Variants in SPTLC2 observed in about 807,000 individuals in gnomAD.
SPTLC2 encodes serine palmitoyltransferase 2.
In SPTLC2, 21 loss-of-function variants were observed where a neutral mutation model predicts 62.0. The observed-to-expected ratio is 0.34, with a 90% confidence interval of 0.24 to 0.49. The LOEUF is 0.49. Among genes scored for constraint, SPTLC2 ranks in the 20% least tolerant of loss-of-function variants. SPTLC2 has a pLI of 0.99. For missense variants in SPTLC2, 511 were observed against 713.0 expected, an observed-to-expected ratio of 0.72 and a Z score of 3.23; for synonymous variants, 261 against 261.8, an observed-to-expected ratio of 1.00 and a Z score of 0.03.
At chr14:77,580,544 T>G (rs2079743455) in intron 2 of SPTLC2, among the ~76,000 whole-genome samples, 1 of 93,498 alleles carries the variant, frequency 1.1e-5, no homozygotes, top group African/African-American at 3.8e-5. Flanking sequence ...GAAAGGAATT[T>G]TTTAAAAAAG....
At chr14:77,578,889 C>T (rs910771647) in intron 3 of SPTLC2, 66 bp downstream of exon 3, 1 of 1,539,744 alleles carries the variant, frequency 6.5e-7, no homozygotes, top group African/African-American at 1.4e-5. Context: ...TTTATAATAA[C>T]ATATTTTCTC....
At chr14:77,587,160 G>A (rs922791560) in intron 2 of SPTLC2, among the ~76,000 whole-genome samples, 4 of 151,970 alleles carry the variant, frequency 2.6e-5, no homozygotes, top group Non-Finnish European at 4.4e-5. Context: ...CCCAGGAGGC[G>A]GAGCTTGCAG....
At chr14:77,593,043 C>T (rs1226907535) in intron 2 of SPTLC2, among the ~76,000 whole-genome samples, 3 of 150,968 alleles carry the variant, frequency 2.0e-5, no homozygotes, top group Non-Finnish European at 4.4e-5. Context: ...GCGGAGATTG[C>T]AGTGAGCCGA....
At chr14:77,546,063 AAAAT>A (rs1293408622) in intron 9 of SPTLC2, among the ~76,000 whole-genome samples, 1 of 152,232 alleles carries the variant, frequency 6.6e-6, no homozygotes, top group African/African-American at 2.4e-5. Context: ...TAAACTTTGG[AAAAT>A]TAGCAGAAAA....
In SPTLC2 at chr14:77,584,861, C is replaced by T. The variant is rs182496388; in HGVS notation, c.328-5752G>A. ...TGTATTTCCTGGACACCCTTGTGAT[C>T]GGGTTGCGGATGTGATGTAGGGTCT... is the stretch of plus-strand genomic sequence containing the variant. On this transcript the variant is annotated intron_variant, in intron 2 of 11. Transcript: ENST00000216484. Among the ~76,000 whole-genome samples, 244 of 152,276 alleles carry T rather than the reference C, an allele frequency of 1.6e-3. 1 individual carries two copies. The highest frequency in any genetic ancestry group is 3.5e-3 in the Admixed American group (53 of 15,294).
rs1322610216 is a variant in SPTLC2, at chr14:77,606,286, CGT to C, written c.133-8908_133-8907del. On this transcript the variant is annotated intron_variant, in intron 1 of 11. Coordinates refer to ENST00000216484, the MANE Select transcript of SPTLC2 (RefSeq NM_004863.4). ...CAAAGGTTGCAGTGAGCCAAAACCG[CGT>C]GCCACTGCACTCCAGCCTGGGCAAC... is the stretch of plus-strand genomic sequence containing the variant. Among the ~76,000 whole-genome samples the C allele has an allele frequency of 2.6e-5, 4 of 152,314 alleles. 1 individual carries two copies. Among genetic ancestry groups the C allele is most frequent in the African/African-American group, 9.6e-5 (4 of 41,568 alleles).
chr14:77,556,949 A>G (rs1206832703), intron 7 of SPTLC2, 92 bp downstream of exon 7: 4 of 997,612 alleles, frequency 4.0e-6, no homozygotes, highest in Non-Finnish European at 6.3e-6. Context: ...CTTAGTTTCC[A>G]GAGGGGGATA....
chr14:77,528,501 GATTACAGGC>G (rs1013127886), intron 9 of SPTLC2, among the ~76,000 whole-genome samples: 3 of 152,138 alleles, frequency 2.0e-5, no homozygotes, highest in African/African-American at 7.2e-5. Context: ...AAAGTGCTGG[GATTACAGGC>G]ATGAGGCACT....
At chr14:77,539,644 C>T (rs2079489962) in intron 9 of SPTLC2, among the ~76,000 whole-genome samples, 2 of 151,228 alleles carry the variant, frequency 1.3e-5, no homozygotes, top group Admixed American at 1.3e-4. Context: ...TGCCTGCCAC[C>T]AAGTCTGGCT....
In SPTLC2 at chr14:77,555,399, C is replaced by CA; in HGVS notation, c.1076dup (p.Val360GlyfsTer45). ...CGGGATCCAGGCCAAAGTACTCCAC[C>CA]ACACCCCGGCCTGTGGGGCCCAGGG... On this transcript the variant is annotated frameshift_variant, in exon 8 of 12. Transcript: ENST00000216484. LOFTEE classifies it high-confidence loss of function. 3 of 1,614,182 alleles carry CA rather than the reference C, an allele frequency of 1.9e-6. No individual in the cohort carries two copies. The highest frequency in any genetic ancestry group is 1.7e-6 in the Non-Finnish European group (2 of 1,180,040).
At chr14:77,555,684 C>T (rs1396238625) in intron 7 of SPTLC2, among the ~76,000 whole-genome samples, 165 bp from the exon 8 acceptor site, 1 of 151,858 alleles carries the variant, frequency 6.6e-6, no homozygotes, top group Non-Finnish European at 1.5e-5. Context: ...GGCATAATCT[C>T]GGCTTACTAC....
chr14:77,594,693 T>C (rs549085008), intron 2 of SPTLC2, among the ~76,000 whole-genome samples: 11 of 152,282 alleles, frequency 7.2e-5, no homozygotes, highest in African/African-American at 2.6e-4. Flanking sequence ...CATTCCAGAT[T>C]CTCCCAAACA....
chr14:77,538,299 C>T (rs2079481271), intron 9 of SPTLC2, among the ~76,000 whole-genome samples: 1 of 152,212 alleles, frequency 6.6e-6, no homozygotes, highest in African/African-American at 2.4e-5. Context: ...CAAGCAGACA[C>T]CGTCCTTTTC....
At position 77,507,690 on chromosome 14, in the gene SPTLC2, T is replaced by C. The variant is rs2079312479; in HGVS notation, c.*4594A>G. 6.6e-6 allele frequency: 1 copy of C among 152,166 alleles called. No homozygotes were observed. Among genetic ancestry groups the C allele is most frequent in the Admixed American group, 6.5e-5 (1 of 15,282 alleles). 9.4% of individuals were successfully genotyped at this position (152,166 alleles called of 1,614,324 possible). On this transcript the variant is annotated 3_prime_UTR_variant, in exon 12 of 12. Coordinates refer to ENST00000216484, the MANE Select transcript of SPTLC2 (RefSeq NM_004863.4). The stretch of plus-strand genomic sequence containing the variant: ...AGAAAAAGACATGTTTTTCTCCACA[T>C]GGAAGGTATTTTTTAAACTGGTTTA...
At chr14:77,523,721 C>G (rs2079395604) in intron 9 of SPTLC2, among the ~76,000 whole-genome samples, 1 of 152,120 alleles carries the variant, frequency 6.6e-6, no homozygotes, top group Admixed American at 6.6e-5. Context: ...CAGAAGGGGA[C>G]TCTACTCCTA....
At chr14:77,602,763 G>A (rs1456210032) in intron 1 of SPTLC2, among the ~76,000 whole-genome samples, 2 of 152,114 alleles carry the variant, frequency 1.3e-5, no homozygotes, top group Non-Finnish European at 2.9e-5. Flanking sequence ...TTGTAGAGAT[G>A]GGATTTCACT....
intron 9 of SPTLC2, among the ~76,000 whole-genome samples, chr14:77,535,290 A>C (rs1002087948): frequency 6.6e-6 from 1 of 152,230 alleles, no homozygotes; most frequent in Non-Finnish European, 1.5e-5. Context: ...ATATGCAAGA[A>C]ATATGGAACA....
chr14:77,558,942 C>T lies in SPTLC2; in HGVS notation c.851-1796G>A, dbSNP rs115087234. ...GCAATGTATGGCGATCAGCTGAAGACAAGTAAAAACACAGGAATTATTTTA... is the reference window on the plus strand; with the variant it reads ...GCAATGTATGGCGATCAGCTGAAGATAAGTAAAAACACAGGAATTATTTTA... On this transcript the variant is annotated intron_variant, in intron 6 of 11. Coordinates refer to ENST00000216484, the MANE Select transcript of SPTLC2 (RefSeq NM_004863.4). Among the ~76,000 whole-genome samples the T allele has an allele frequency of 9.0e-3, 1,371 of 152,166 alleles. 24 individuals carry two copies. Among genetic ancestry groups the T allele is most frequent in the African/African-American group, 0.031 (1,305 of 41,518 alleles).
intron 9 of SPTLC2, among the ~76,000 whole-genome samples, chr14:77,527,760 G>A (rs1273210770): frequency 6.6e-6 from 1 of 151,398 alleles, no homozygotes; most frequent in South Asian, 2.1e-4. Flanking sequence ...TTTTTTGAAA[G>A]CCAGGAAAAG....
Sources: gnomAD v4.1 joint callset for allele counts (sites outside exome capture counted in the v4.1 genomes callset) on GRCh38, gnomAD v4.1.1 for gene constraint, MANE v1.5 for transcripts, NCBI Gene and HGNC (gene_info 2026-07-23, HGNC 2026-07-21) for gene names.